PCDH15: variants seen among roughly 807,000 people sequenced by gnomAD.
The protein encoded by PCDH15 is protocadherin related 15.
Under a neutral mutation model 178.5 loss-of-function variants are expected in PCDH15, and 129 were observed. The observed-to-expected ratio is 0.72, with a 90% CI of 0.63 to 0.84. The LOEUF (loss-of-function observed/expected upper bound fraction) is 0.84, where lower values mean the gene tolerates loss of function less well. Ranked by LOEUF, PCDH15 falls within the 40% of genes least tolerant of loss-of-function variation. The probability of loss-of-function intolerance (pLI) is 0.00; values close to 1 mark genes in which losing one functional copy is unlikely to be tolerated. For missense variants in PCDH15, 2,230 were observed against 2,099.9 expected (o/e 1.06, Z -1.21); for synonymous variants, 800 against 732.0 (o/e 1.09, Z -1.50).
At position 54,550,687 on chromosome 10, in the gene PCDH15, T is replaced by C. The variant is rs115582503; in HGVS notation, c.92-22810A>G. Among the ~76,000 whole-genome samples, 214 of 152,334 alleles carry C rather than the reference T, an allele frequency of 1.4e-3. 2 individuals are homozygous for C. Among genetic ancestry groups the C allele is most frequent in the African/African-American group, 5.1e-3 (210 of 41,576 alleles). ...TACCTATAAATGTTAGATAACTAAA[T>C]TATCCCAGAGTTTTCTTCAGGAAAT... On this transcript the variant is annotated intron_variant, in intron 2 of 37. Coordinates refer to ENST00000644397, the MANE Select transcript of PCDH15 (RefSeq NM_001384140.1).
At chr10:55,175,937 C>T (rs557358247) in intron 1 of PCDH15, among the ~76,000 whole-genome samples, 3 of 151,988 alleles carry the variant, frequency 2.0e-5, no homozygotes, top group African/African-American at 7.2e-5. Context: ...GCCACCTTAA[C>T]CCTCTCCAGT....
intron 8 of PCDH15, among the ~76,000 whole-genome samples, chr10:54,289,769 A>C (rs1433078469): frequency 6.6e-6 from 1 of 152,246 alleles, no homozygotes; most frequent in Non-Finnish European, 1.5e-5. Context: ...TCAATGGCCA[A>C]TTCGATCAAG....
chr10:55,381,244 A>C (rs139135650), intron 2 of PCDH15, among the ~76,000 whole-genome samples: 1 of 152,306 alleles, frequency 6.6e-6, no homozygotes, highest in East Asian at 1.9e-4. Context: ...AGACAGAATC[A>C]ATAGTATCAA....
intron 2 of PCDH15, among the ~76,000 whole-genome samples, chr10:54,587,669 T>C (rs920863610): frequency 2.6e-5 from 4 of 152,206 alleles, no homozygotes; most frequent in African/African-American, 9.6e-5. Flanking sequence ...CATTGCCCCC[T>C]TCATTGTAAG....
intron 2 of PCDH15, among the ~76,000 whole-genome samples, chr10:54,553,117 T>C (rs943570776): frequency 2.0e-5 from 3 of 152,180 alleles, no homozygotes; most frequent in African/African-American, 7.2e-5. Flanking sequence ...TAAACACTTC[T>C]AAGATTCTGT....
At chr10:55,414,707 AT>A (rs1300233762) in intron 2 of PCDH15, among the ~76,000 whole-genome samples, 7 of 150,174 alleles carry the variant, frequency 4.7e-5, no homozygotes, top group Middle Eastern at 6.8e-3. Flanking sequence ...AATGCACCTG[AT>A]TTTTATATGT....
chr10:55,064,523 G>T (rs1451786700), intron 2 of PCDH15, among the ~76,000 whole-genome samples: 1 of 151,980 alleles, frequency 6.6e-6, no homozygotes, highest in African/African-American at 2.4e-5. Context: ...GAAAAAAATT[G>T]AAATCATTGT....
intron 34 of PCDH15, among the ~76,000 whole-genome samples, chr10:53,816,499 ATTC>A (rs1254758573): frequency 1.3e-5 from 2 of 152,176 alleles, no homozygotes; most frequent in African/African-American, 2.4e-5. Flanking sequence ...TAATTTCATC[ATTC>A]TTCTAGTTAA....
rs2078847955 is a variant in PCDH15, at chr10:54,483,232, G to C, written c.157+44580C>G. Among the ~76,000 whole-genome samples the C allele has an allele frequency of 4.0e-5, 6 of 151,844 alleles. No individual in the cohort carries two copies. In the Admixed American group the frequency reaches 4.0e-4, roughly 10 times the overall value. Reference sequence around the variant, plus strand: ...AGGGATATGGACAACAGCAACATTAGAGGGGTCATATTTGCAGGGTCTTTC... The same window carrying C: ...AGGGATATGGACAACAGCAACATTACAGGGGTCATATTTGCAGGGTCTTTC... On this transcript the variant is annotated intron_variant, in intron 3 of 37. Transcript: ENST00000644397.
At chr10:54,425,184 A>T (rs558835525) in intron 3 of PCDH15, among the ~76,000 whole-genome samples, 1 of 152,090 alleles carries the variant, frequency 6.6e-6, no homozygotes, top group African/African-American at 2.4e-5. Flanking sequence ...TTTAATCCAA[A>T]ATAGGATAAT....
chr10:54,565,841 T>C (rs1421708501), intron 2 of PCDH15, among the ~76,000 whole-genome samples: 1 of 152,108 alleles, frequency 6.6e-6, no homozygotes, highest in African/African-American at 2.4e-5. Context: ...TCCCAGCACT[T>C]TGGGAGGCCA....
chr10:54,658,903 T>C (rs2094449348), intron 2 of PCDH15, among the ~76,000 whole-genome samples: 1 of 152,152 alleles, frequency 6.6e-6, no homozygotes, highest in Admixed American at 6.5e-5. Context: ...ACTGACCTAC[T>C]GTGTAATGAT....
At chr10:55,337,467 T>G (rs1161784895) in intron 2 of PCDH15, among the ~76,000 whole-genome samples, 2 of 152,242 alleles carry the variant, frequency 1.3e-5, no homozygotes, top group Admixed American at 1.3e-4. Context: ...CATTTATTCC[T>G]TCTTCCAATT....
chr10:55,010,455 A>G (rs1437403881), intron 2 of PCDH15, among the ~76,000 whole-genome samples: 5 of 152,130 alleles, frequency 3.3e-5, no homozygotes, highest in Non-Finnish European at 7.4e-5. Flanking sequence ...TGCTATAAAG[A>G]TAACAAAGAG....
intron 2 of PCDH15, among the ~76,000 whole-genome samples, chr10:54,927,030 T>C (rs949880169): frequency 8.6e-5 from 13 of 152,032 alleles, no homozygotes; most frequent in Admixed American, 4.6e-4. Flanking sequence ...GTCATGATGT[T>C]AGGTAGTTAA....
intron 2 of PCDH15, among the ~76,000 whole-genome samples, chr10:55,602,716 C>T (rs376014238): frequency 3.3e-5 from 5 of 151,634 alleles, no homozygotes; most frequent in African/African-American, 7.3e-5. Context: ...AGAAAGGACA[C>T]CCACACCAAA....
chr10:54,520,208 C>T (rs1423243512), intron 3 of PCDH15, among the ~76,000 whole-genome samples: 2 of 152,072 alleles, frequency 1.3e-5, no homozygotes, highest in African/African-American at 4.8e-5. Context: ...CCAAAATTGA[C>T]AAATAGGATC....
intron 1 of PCDH15, among the ~76,000 whole-genome samples, chr10:54,666,957 A>T (rs1452205292): frequency 1.3e-5 from 2 of 152,126 alleles, no homozygotes; most frequent in African/African-American, 4.8e-5. Flanking sequence ...AAAATCATTA[A>T]TGTCACTGCC....
intron 2 of PCDH15, among the ~76,000 whole-genome samples, chr10:55,027,474 G>C (rs974026132): frequency 6.6e-6 from 1 of 151,832 alleles, no homozygotes. Flanking sequence ...AACCTTGACA[G>C]CTAGAAATTT....
Sources: gnomAD v4.1 joint callset for allele counts (sites outside exome capture counted in the v4.1 genomes callset) on GRCh38, gnomAD v4.1.1 for gene constraint, MANE v1.5 for transcripts, NCBI Gene and HGNC (gene_info 2026-07-23, HGNC 2026-07-21) for gene names.